The following THAP3 variants were observed in gnomAD, a reference collection of about 807,000 sequenced individuals.
THAP3 encodes the protein THAP domain-containing protein 3.
A neutral mutation model predicts 17.7 loss-of-function variants in THAP3; 12 were observed. That is an observed-to-expected ratio of 0.68 (90% confidence interval 0.43 to 1.10). THAP3 has a LOEUF of 1.10. THAP3 is among the 50% of genes least tolerant of loss of function. THAP3 has a pLI of 0.00. For synonymous variants in THAP3, 133 were observed against 126.9 expected, an observed-to-expected ratio of 1.05 and a Z score of -0.32; for missense variants, 289 against 318.0, an observed-to-expected ratio of 0.91 and a Z score of 0.69.
chr1:6,630,182 G>A (rs111757037), intron 3 of THAP3, 106 bp from the exon 4 acceptor site: 11 of 944,512 alleles, frequency 1.2e-5, no homozygotes, highest in Middle Eastern at 4.3e-4. Context: ...TCGTTGACTG[G>A]GGCATGCAGT....
intron 4 of THAP3, 41 bp from the exon 5 acceptor site, chr1:6,632,350 T>C (rs1641639881): frequency 2.5e-6 from 4 of 1,608,398 alleles, no homozygotes; most frequent in Non-Finnish European, 1.7e-6. Context: ...GGGCCCTGCA[T>C]GTGCAGGGCT....
chr1:6,634,066 C>A, downstream of THAP3: 1 of 1,613,766 alleles, frequency 6.2e-7, no homozygotes, highest in Non-Finnish European at 8.5e-7. Context: ...TCACGTGAAG[C>A]CTTGTGGTTG....
chr1:6,632,680 GC>G, intron 5 of THAP3, 115 bp from the exon 6 acceptor site: 1 of 1,466,280 alleles, frequency 6.8e-7, no homozygotes, highest in South Asian at 1.2e-5. Context: ...TGGGGGAGCA[GC>G]CCGGAGTGTC....
At chr1:6,626,204 G>C (rs978455169) in intron 2 of THAP3, among the ~76,000 whole-genome samples, 5 of 152,170 alleles carry the variant, frequency 3.3e-5, no homozygotes, top group South Asian at 4.2e-4. Context: ...CAGCTGCTCG[G>C]GAGACTGAAG....
chr1:6,625,447 C>A (rs893855866), intron 2 of THAP3, among the ~76,000 whole-genome samples, 155 bp downstream of exon 2: 1 of 151,736 alleles, frequency 6.6e-6, no homozygotes, highest in African/African-American at 2.4e-5. Context: ...CTGGCGCCGC[C>A]GCGCCCGCCG....
chr1:6,634,565 C>G (rs773018245), downstream of THAP3: 1 of 1,365,634 alleles, frequency 7.3e-7, no homozygotes, highest in Non-Finnish European at 9.8e-7. Context: ...GAGGGGTCAG[C>G]AAGAGCAACT....
intron 2 of THAP3, 83 bp from the exon 3 acceptor site, chr1:6,628,416 T>C: frequency 8.7e-7 from 1 of 1,145,088 alleles, no homozygotes. Context: ...GGAAGTACTC[T>C]GTAGTGATGT....
chr1:6,634,508 C>G, downstream of THAP3: 1 of 1,348,984 alleles, frequency 7.4e-7, no homozygotes, highest in Non-Finnish European at 9.9e-7. Context: ...CAGCTTGGGG[C>G]CCCCCGCGCC....
chr1:6,632,321 A>T (rs1641638530), intron 4 of THAP3, 70 bp from the exon 5 acceptor site: 2 of 1,592,426 alleles, frequency 1.3e-6, no homozygotes, highest in Middle Eastern at 2.0e-4. Flanking sequence ...CCCTAGAGGG[A>T]CAAGTAGCAG....
At chr1:6,635,384 G>C (rs952702899), downstream of THAP3, 13 of 382,220 alleles carry the variant, frequency 3.4e-5, no homozygotes, top group South Asian at 2.4e-4. Flanking sequence ...CGTGTGCTCG[G>C]GACACAGCGG....
At chr1:6,630,440 C>G in intron 4 of THAP3, 87 bp downstream of exon 4, 1 of 1,393,282 alleles carries the variant, frequency 7.2e-7, no homozygotes, top group Admixed American at 1.7e-5. Flanking sequence ...AAGGCCGGCC[C>G]GCAGGGCTGT....
downstream of THAP3, chr1:6,634,319 C>T (rs891822833): frequency 3.0e-5 from 30 of 1,009,286 alleles, no homozygotes; most frequent in South Asian, 8.5e-5. Flanking sequence ...CACCGCGGCT[C>T]GGGCCGTGGG....
At chr1:6,630,197 C>T (rs890245633) in intron 3 of THAP3, 91 bp from the exon 4 acceptor site, 10 of 1,145,002 alleles carry the variant, frequency 8.7e-6, no homozygotes, top group East Asian at 7.0e-5. Context: ...TGCAGTGGGC[C>T]GAGCAGCGGG....
chr1:6,633,489 C>CTCCATCA lies in THAP3; in HGVS notation c.*412_*413insTCCATCA, dbSNP rs1641686964. The CTCCATCA allele has an allele frequency of 1.8e-6, 2 of 1,119,770 alleles. No individual in the cohort carries two copies. The highest frequency in any genetic ancestry group is 9.2e-5 in the Admixed American group (2 of 21,742). The allele number at this position is 1,119,770 out of a possible 1,614,324, so 69.4% of individuals were successfully genotyped here. A position where few individuals can be genotyped will look rare whatever the true frequency, so the allele number is the denominator to read the frequency against. On this transcript the variant is annotated 3_prime_UTR_variant, in exon 6 of 6. Transcript: ENST00000054650. ...CCCCTCCTCCATCAGCCTGGACAGC[C>CTCCATCA]GCTCGGGGTTCTAAGGAGTGACTCC... is the stretch of plus-strand genomic sequence containing the variant.
Position 6,633,497 on chromosome 1 carries a change from G to C in THAP3, c.*420G>C. 2.7e-6 allele frequency: 3 copies of C among 1,118,478 alleles called. No individual in the cohort carries two copies. The highest frequency in any genetic ancestry group is 3.3e-6 in the Non-Finnish European group (3 of 909,974). The allele number at this position is 1,118,478 out of a possible 1,614,324, so 69.3% of individuals were successfully genotyped here. Reference sequence around the variant, plus strand: ...CCATCAGCCTGGACAGCCGCTCGGGGTTCTAAGGAGTGACTCCTGTCCCGG... The same window carrying C: ...CCATCAGCCTGGACAGCCGCTCGGGCTTCTAAGGAGTGACTCCTGTCCCGG... On this transcript the variant is annotated 3_prime_UTR_variant, in exon 6 of 6. Transcript: ENST00000054650.
At chr1:6,634,948 C>G (rs1183956982), downstream of THAP3, 7 of 1,059,906 alleles carry the variant, frequency 6.6e-6, no homozygotes, top group Non-Finnish European at 8.4e-6. Flanking sequence ...AGCTCAAGCC[C>G]GCTGGTGGCA....
Position 6,633,552 on chromosome 1 carries a change from G to A in THAP3, c.*475G>A. ...GTGTGAGTGGGCAGTGTAATAAAGT[G>A]TCTTTCTATACGGTGTCGCTCCCAT... On this transcript the variant is annotated 3_prime_UTR_variant, in exon 6 of 6. Coordinates refer to ENST00000054650, the MANE Select transcript of THAP3 (RefSeq NM_001195753.2). 1 of 1,084,212 alleles carries A rather than the reference G, an allele frequency of 9.2e-7. No individual in the cohort carries two copies. The highest frequency in any genetic ancestry group is 2.8e-5 in the South Asian group (1 of 35,752). The allele number at this position is 1,084,212 out of a possible 1,614,324, so 67.2% of individuals were successfully genotyped here.
At chr1:6,625,004 T>C (rs1641419535) in intron 1 of THAP3, 50 bp downstream of exon 1, 2 of 554,138 alleles carry the variant, frequency 3.6e-6, no homozygotes, top group Non-Finnish European at 6.3e-6. Flanking sequence ...CGGGCCTGAA[T>C]TGGGGCCCGG....
At chr1:6,630,810 G>T (rs996591340) in intron 4 of THAP3, among the ~76,000 whole-genome samples, 1 of 151,996 alleles carries the variant, frequency 6.6e-6, no homozygotes, top group Non-Finnish European at 1.5e-5. Context: ...GACCTCAGGT[G>T]ATCCACCCAC....
Sources: allele counts gnomAD v4.1 joint callset (sites outside exome capture counted in the v4.1 genomes callset), GRCh38; gene constraint gnomAD v4.1.1; transcripts MANE v1.5; gene names NCBI Gene and HGNC (gene_info 2026-07-23, HGNC 2026-07-21).